Variants in TJAP1 observed in about 807,000 individuals in gnomAD.
TJAP1 encodes the protein tight junction-associated protein 1.
A neutral mutation model predicts 42.0 loss-of-function variants in TJAP1; 27 were observed. The observed-to-expected ratio is 0.64, with a 90% CI of 0.47 to 0.89. The LOEUF is 0.89. Ranked by LOEUF, TJAP1 falls within the 40% of genes least tolerant of loss-of-function variation. The pLI is 0.00. For missense variants in TJAP1, 712 were observed against 726.9 expected (o/e 0.98, Z 0.24); for synonymous variants, 257 against 288.4 (o/e 0.89, Z 1.10).
intron 2 of TJAP1, among the ~76,000 whole-genome samples, chr6:43,494,678 G>A (rs1788712022): frequency 7.0e-6 from 1 of 142,232 alleles, no homozygotes; most frequent in Non-Finnish European, 1.5e-5. Flanking sequence ...TTGAGACGGA[G>A]TCTCTGTCTC....
chr6:43,478,815 T>A (rs1324265002), intron 2 of TJAP1: 1 of 152,202 alleles, frequency 6.6e-6, no homozygotes, highest in Non-Finnish European at 1.5e-5. Context: ...AGAAAAAATG[T>A]AGATCAGTTT....
chr6:43,481,490 C>G, intron 2 of TJAP1, among the ~76,000 whole-genome samples: 1 of 146,504 alleles, frequency 6.8e-6, no homozygotes, highest in South Asian at 2.2e-4. Context: ...TCACCCCCCC[C>G]CCAAAAAAAA....
intron 2 of TJAP1, among the ~76,000 whole-genome samples, chr6:43,490,021 C>T (rs1787457674): frequency 6.6e-6 from 1 of 152,234 alleles, no homozygotes; most frequent in Non-Finnish European, 1.5e-5. Context: ...GGAGAAGACA[C>T]TAACCCTGTG....
chr6:43,499,069 T>C, exon 4 of TJAP1: 1 of 1,614,054 alleles, frequency 6.2e-7, no homozygotes, highest in South Asian at 1.1e-5. Flanking sequence ...GAGCTGCGTT[T>C]GGAAATTCCT....
chr6:43,504,668 G>T (rs920920591), intron 10 of TJAP1, 93 bp from the exon 11 acceptor site: 1 of 1,479,510 alleles, frequency 6.8e-7, no homozygotes, highest in Non-Finnish European at 9.2e-7. Context: ...GTACACAGAG[G>T]TACTTAAAGG....
rs149132650 is a variant in TJAP1 at position 43,500,882 on chromosome 6, G to A, written c.128+110G>A. ...TCCCTTGGATTAGGTAGAAATAAAG[G>A]TTGGGATGGGTTGTTTTAGGGACTC... On this transcript the variant is annotated intron_variant, in intron 5 of 10. Transcript: ENST00000372449. 103 of 1,310,258 alleles carry A rather than the reference G, an allele frequency of 7.9e-5. No individual in the cohort carries two copies. The African/African-American group carries it at 1.4e-3, about 18-fold the overall frequency. 81.2% of individuals were successfully genotyped at this position (1,310,258 alleles called of 1,614,324 possible). A position where few individuals can be genotyped will look rare whatever the true frequency, so the allele number is the denominator to read the frequency against.
intron 2 of TJAP1, among the ~76,000 whole-genome samples, chr6:43,480,588 C>A (rs369021505): frequency 2.0e-5 from 3 of 152,234 alleles, no homozygotes. Flanking sequence ...GTGCTCTCCT[C>A]ACTGCAACCG....
chr6:43,502,496 C>G, intron 7 of TJAP1, 92 bp from the exon 8 acceptor site: 1 of 1,514,120 alleles, frequency 6.6e-7, no homozygotes, highest in Non-Finnish European at 9.0e-7. Context: ...GTGTGCTCTG[C>G]AAGTCAAGAC....
chr6:43,477,940 G>A (rs112159221), intron 1 of TJAP1, 147 bp from the exon 2 acceptor site: 2,787 of 152,734 alleles, frequency 0.018, 34 homozygotes, highest in South Asian at 0.039. Flanking sequence ...AGCCTGGAGC[G>A]TGGGATAGAG....
At position 43,505,488 on chromosome 6, in the gene TJAP1, G is replaced by T. The variant is rs113043362; in HGVS notation, c.1307G>T (p.Arg436Leu). 8 of 1,613,730 alleles carry T rather than the reference G, an allele frequency of 5.0e-6. No homozygotes were observed. In the African/African-American group the frequency reaches 6.7e-5, roughly 13 times the overall value. The change falls in exon 11 of 11, where the codon CGC becomes CTC. Residue 436 changes from arginine to leucine, a missense_variant. Around this residue, in one of 3 missense-constraint regions of TJAP1, gnomAD observed 549 missense variants for 528.2 expected, o/e 1.04. Coordinates refer to ENST00000372449, the Ensembl canonical transcript of TJAP1. The surrounding 1 kb of genome is among the most constrained non-coding windows in gnomAD (Gnocchi z 5.5). Reference sequence around the variant, plus strand: ...GTGGCCCAGCGCACAGCCTTTGGACGCGATGCCCTCCCTGAGCTGCAGCGC... The same window carrying T: ...GTGGCCCAGCGCACAGCCTTTGGACTCGATGCCCTCCCTGAGCTGCAGCGC...
chr6:43,487,870 G>GTTTTTT (rs549444658), intron 2 of TJAP1, among the ~76,000 whole-genome samples: 24 of 138,364 alleles, frequency 1.7e-4, no homozygotes, highest in African/African-American at 6.5e-4. Flanking sequence ...CCTTCTAGTA[G>GTTTTTT]TTTTTTTTTT....
chr6:43,500,645 G>A, intron 4 of TJAP1, 99 bp from the exon 5 acceptor site: 2 of 1,350,974 alleles, frequency 1.5e-6, no homozygotes, highest in Non-Finnish European at 2.1e-6. Context: ...AAGAGTCTTT[G>A]GGCTTCACAC....
chr6:43,479,406 A>G (rs962794760), intron 2 of TJAP1, among the ~76,000 whole-genome samples: 11 of 151,956 alleles, frequency 7.2e-5, no homozygotes, highest in African/African-American at 2.7e-4. Context: ...AAGGTTGAGA[A>G]CCTCCTTTTT....
intron 6 of TJAP1, among the ~76,000 whole-genome samples, chr6:43,501,891 CCACACACACACACACACA>C (rs550223728): frequency 7.7e-5 from 3 of 39,068 alleles, no homozygotes; most frequent in African/African-American, 3.2e-4. Context: ...GAATGCGGGG[CCACACACACACACACACA>C]CACACACACA....
chr6:43,500,408 A>G (rs914781164), intron 4 of TJAP1, among the ~76,000 whole-genome samples: 5 of 152,328 alleles, frequency 3.3e-5, no homozygotes, highest in Non-Finnish European at 7.4e-5. Flanking sequence ...CTGTGGATAC[A>G]GGACCCACCA....
chr6:43,494,061 T>A (rs1333542747), intron 2 of TJAP1, among the ~76,000 whole-genome samples: 1 of 152,218 alleles, frequency 6.6e-6, no homozygotes, highest in Non-Finnish European at 1.5e-5. Context: ...CGAGTCCCAT[T>A]TCTAATGAAA....
rs1444986528 is a variant in TJAP1 at position 43,505,567 on chromosome 6, C to T, written c.1386C>T (p.Ala462=). 1 of 1,613,768 alleles carries T rather than the reference C, an allele frequency of 6.2e-7. No individual in the cohort carries two copies. Among genetic ancestry groups the T allele is most frequent in the Non-Finnish European group, 8.5e-7 (1 of 1,180,036 alleles). Residue 462 remains alanine, a synonymous_variant, in exon 11 of 11, where the codon GCC becomes GCT. Transcript: ENST00000372449. The surrounding 1 kb of genome is among the most constrained non-coding windows in gnomAD (Gnocchi z 5.5). ...ATGAGGTGGTCCAGGCACCTTCTGC[C>T]CGACCCGAAGAGAGTGAGCTTTTGC...
rs936094242 is a variant in TJAP1, at chr6:43,492,063, G to T, written c.-121-5818G>T. On this transcript the variant is annotated intron_variant, in intron 2 of 10. Coordinates refer to ENST00000372449, the Ensembl canonical transcript of TJAP1. This position sits in a 1 kb window ranked among gnomAD's most constrained non-coding sequence, Gnocchi z 4.2. ...TGGGGATTTCTTGCCCTCTTTTTTT[G>T]CAGGGAGGGGTTGGTTTGCCTGGCT... Among the ~76,000 whole-genome samples the T allele has an allele frequency of 2.6e-5, 4 of 152,068 alleles. No individual in the cohort carries two copies. The highest frequency in any genetic ancestry group is 9.7e-5 in the African/African-American group (4 of 41,402).
At chr6:43,487,764 TA>T (rs1368680251) in intron 2 of TJAP1, among the ~76,000 whole-genome samples, 1 of 151,926 alleles carries the variant, frequency 6.6e-6, no homozygotes, top group Non-Finnish European at 1.5e-5. Flanking sequence ...GTATACAAAA[TA>T]AAAAGTAAGA....
Sources: gnomAD v4.1 joint callset for allele counts (sites outside exome capture counted in the v4.1 genomes callset) on GRCh38, gnomAD v4.1.1 for gene constraint, gnomAD v4.1.1 regional missense constraint, Gnocchi (gnomAD v3.1) non-coding constraint, MANE v1.5 for transcripts, NCBI Gene and HGNC (gene_info 2026-07-23, HGNC 2026-07-21) for gene names.